YEATS2: variants seen among roughly 807,000 people sequenced by gnomAD.
YEATS2 encodes the protein YEATS domain containing 2.
Under a neutral mutation model 163.2 loss-of-function variants are expected in YEATS2, and 77 were observed. The ratio of observed to expected loss-of-function variants is 0.47; its 90% confidence interval spans 0.39 to 0.57. YEATS2 has a LOEUF of 0.57. YEATS2 is among the 20% of genes least tolerant of loss of function. The pLI is 0.00. For missense variants in YEATS2, 1,549 were observed against 1,729.8 expected, an observed-to-expected ratio of 0.90 and a Z score of 1.85; for synonymous variants, 631 against 645.1, an observed-to-expected ratio of 0.98 and a Z score of 0.33.
At chr3:183,759,057 G>T (rs772463767) in intron 13 of YEATS2, 92 bp downstream of exon 13, 4 of 837,222 alleles carry the variant, frequency 4.8e-6, no homozygotes, top group Admixed American at 6.9e-5. Flanking sequence ...GGGTCTCCCC[G>T]TATTAACCAG....
chr3:183,779,355 A>T (rs1247717405), intron 19 of YEATS2, among the ~76,000 whole-genome samples: 1 of 152,180 alleles, frequency 6.6e-6, no homozygotes, highest in African/African-American at 2.4e-5. Context: ...TACCCATGTT[A>T]AACAGATACA....
At chr3:183,792,588 G>C (rs185650841) in intron 21 of YEATS2, among the ~76,000 whole-genome samples, 1 of 152,198 alleles carries the variant, frequency 6.6e-6, no homozygotes, top group East Asian at 1.9e-4. Context: ...CATGATCTCG[G>C]CTCACTGCAA....
intron 7 of YEATS2, among the ~76,000 whole-genome samples, chr3:183,730,055 T>TGTTTGTTTG (rs376011021): frequency 4.3e-5 from 1 of 23,282 alleles, no homozygotes; most frequent in African/African-American, 3.0e-4. Flanking sequence ...TTTGTTTGTT[T>TGTTTGTTTG]TTTTTTTTTT....
At chr3:183,737,566 C>T (rs1718476366) in intron 8 of YEATS2, among the ~76,000 whole-genome samples, 1 of 152,218 alleles carries the variant, frequency 6.6e-6, no homozygotes, top group South Asian at 2.1e-4. Flanking sequence ...TTACTGAAAT[C>T]TTTTTTAAAT....
At chr3:183,752,680 G>A (rs1384921509) in intron 10 of YEATS2, among the ~76,000 whole-genome samples, 3 of 139,206 alleles carry the variant, frequency 2.2e-5, no homozygotes, top group South Asian at 4.7e-4. Context: ...CTGCACTCCA[G>A]CCTGGACAAC....
intron 22 of YEATS2, 102 bp downstream of exon 22, chr3:183,798,153 C>G: frequency 1.3e-6 from 2 of 1,522,390 alleles, no homozygotes; most frequent in Non-Finnish European, 1.8e-6. Flanking sequence ...CACCCTTCAG[C>G]TGTCACGGTA....
intron 3 of YEATS2, 82 bp from the exon 4 acceptor site, chr3:183,718,418 A>G: frequency 9.5e-7 from 1 of 1,047,772 alleles, no homozygotes; most frequent in Non-Finnish European, 1.4e-6. Flanking sequence ...TCACTCATTC[A>G]CGTTTCTTAT....
chr3:183,728,353 C>T (rs1468402917), intron 6 of YEATS2, among the ~76,000 whole-genome samples: 1 of 152,168 alleles, frequency 6.6e-6, no homozygotes, highest in African/African-American at 2.4e-5. Context: ...GCTGATTTTG[C>T]TCCCCTCTGG....
intron 16 of YEATS2, 124 bp from the exon 17 acceptor site, chr3:183,773,509 A>G: frequency 2.1e-6 from 2 of 965,000 alleles, no homozygotes; most frequent in Non-Finnish European, 3.0e-6. Context: ...CATCTGGGAA[A>G]CAAACTTTGA....
intron 28 of YEATS2, chr3:183,807,337 C>G: frequency 2.1e-6 from 1 of 471,440 alleles, no homozygotes. Flanking sequence ...GAAAACATTG[C>G]TTGTTGAACG....
At position 183,794,507 on chromosome 3, in the gene YEATS2, A is replaced by G. The variant is rs1289357498; in HGVS notation, c.3098-3416A>G. Reference sequence around the variant, plus strand: ...AGTGAGGGTAGAACTATTTCTGACAAAGTTTGAAATGTATTTCCTGTGTAC... The same window carrying G: ...AGTGAGGGTAGAACTATTTCTGACAGAGTTTGAAATGTATTTCCTGTGTAC... On this transcript the variant is annotated intron_variant, in intron 21 of 30. Transcript: ENST00000305135. 3.3e-5 allele frequency among the ~76,000 whole-genome samples: 5 copies of G among 152,334 alleles called. No individual in the cohort carries two copies. The East Asian group carries it at 9.6e-4, about 29-fold the overall frequency.
At chr3:183,780,954 C>G (rs1483862057) in intron 19 of YEATS2, among the ~76,000 whole-genome samples, 1 of 151,880 alleles carries the variant, frequency 6.6e-6, no homozygotes, top group Non-Finnish European at 1.5e-5. Context: ...TTCTGTTACT[C>G]AATAAAAAAG....
intron 27 of YEATS2, chr3:183,806,554 A>T (rs1044008950): frequency 4.4e-6 from 2 of 449,604 alleles, no homozygotes; most frequent in South Asian, 1.9e-5. Context: ...ATGAGGAAAA[A>T]TCAGGTCAGT....
At chr3:183,717,929 A>C (rs1219725374) in intron 3 of YEATS2, among the ~76,000 whole-genome samples, 181 bp downstream of exon 3, 1 of 150,268 alleles carries the variant, frequency 6.7e-6, no homozygotes, top group Admixed American at 6.7e-5. Context: ...TAAATAGTGC[A>C]ATTGCAGAAA....
chr3:183,781,196 A>C (rs1224840625), intron 19 of YEATS2, among the ~76,000 whole-genome samples: 3 of 152,150 alleles, frequency 2.0e-5, no homozygotes, highest in Non-Finnish European at 4.4e-5. Flanking sequence ...ACATGCTGTT[A>C]GCAGGCTGGA....
chr3:183,770,627 TC>T (rs1344077532), intron 15 of YEATS2, among the ~76,000 whole-genome samples: 1 of 152,196 alleles, frequency 6.6e-6, no homozygotes, highest in East Asian at 1.9e-4. Context: ...ACTTTGTTCT[TC>T]CCAGAGGCAA....
chr3:183,793,692 G>A (rs989933255), intron 21 of YEATS2, among the ~76,000 whole-genome samples: 2 of 140,160 alleles, frequency 1.4e-5, no homozygotes, highest in African/African-American at 5.4e-5. Flanking sequence ...GGCTCACTGC[G>A]ACCTCTGCCT....
chr3:183,775,141 C>T (rs1722832883), intron 17 of YEATS2, among the ~76,000 whole-genome samples: 1 of 152,134 alleles, frequency 6.6e-6, no homozygotes, highest in Non-Finnish European at 1.5e-5. Context: ...GAATGGGGTC[C>T]TGGAGTCATT....
intron 21 of YEATS2, among the ~76,000 whole-genome samples, chr3:183,794,875 G>A (rs1229815137): frequency 6.6e-6 from 1 of 152,040 alleles, no homozygotes; most frequent in African/African-American, 2.4e-5. Flanking sequence ...AGCCACTGAA[G>A]ACCCCATCTA....
Sources: gnomAD v4.1 joint callset for allele counts (sites outside exome capture counted in the v4.1 genomes callset) on GRCh38, gnomAD v4.1.1 for gene constraint, MANE v1.5 for transcripts, NCBI Gene and HGNC (gene_info 2026-07-23, HGNC 2026-07-21) for gene names.